SLC35E4: variants seen among roughly 807,000 people sequenced by gnomAD.
The protein encoded by SLC35E4 is solute carrier family 35 member E4.
A neutral mutation model predicts 19.3 loss-of-function variants in SLC35E4; 15 were observed. The ratio of observed to expected loss-of-function variants is 0.78; its 90% CI spans 0.52 to 1.20. The LOEUF (loss-of-function observed/expected upper bound fraction) is 1.20, where lower values mean the gene tolerates loss of function less well. Among genes scored for constraint, SLC35E4 ranks in the 50% most tolerant of loss-of-function variants. The pLI is 0.00. For synonymous variants in SLC35E4, 219 were observed against 219.9 expected (o/e 1.00, Z 0.04); for missense variants, 406 against 472.3 (o/e 0.86, Z 1.30).
At chr22:30,651,415 ATATATATATATATTTTTTTTTTTTT>A (rs1569061969), downstream of SLC35E4, among the ~76,000 whole-genome samples, 5 of 67,204 alleles carry the variant, frequency 7.4e-5, no homozygotes, top group Non-Finnish European at 7.5e-5. Context: ...ATATATATAT[ATATATATATATATTTTTTTTTTTTT>A]TTTTTTTTTT....
Position 30,638,018 on chromosome 22 carries a change from A to T in SLC35E4, c.619+949A>T, listed in dbSNP as rs1013805654. On this transcript the variant is annotated intron_variant, in intron 1 of 1. Coordinates refer to ENST00000343605, the MANE Select transcript of SLC35E4 (RefSeq NM_001001479.4). ...GTGTTGACCTTGAGTTGTCATGGCA[A>T]CCACCAACTTTATCCCCATTTTACA... Among the ~76,000 whole-genome samples, 4 of 152,114 alleles carry T rather than the reference A, an allele frequency of 2.6e-5. 1 individual carries two copies. The highest frequency in any genetic ancestry group is 5.9e-5 in the Non-Finnish European group (4 of 68,016).
intron 1 of SLC35E4, among the ~76,000 whole-genome samples, chr22:30,638,020 C>A (rs1166721529): frequency 6.6e-6 from 1 of 152,120 alleles, no homozygotes; most frequent in Non-Finnish European, 1.5e-5. Flanking sequence ...TCATGGCAAC[C>A]ACCAACTTTA....
downstream of SLC35E4, among the ~76,000 whole-genome samples, chr22:30,650,247 G>A (rs929103843): frequency 1.4e-4 from 22 of 151,872 alleles, 2 homozygotes; most frequent in African/African-American, 3.9e-4. Flanking sequence ...CAGGAGAATC[G>A]CTTGAACCTG....
downstream of SLC35E4, among the ~76,000 whole-genome samples, chr22:30,651,399 GTATATATATATATA>G (rs1427700463): frequency 4.7e-4 from 29 of 61,324 alleles, no homozygotes; most frequent in African/African-American, 1.7e-3. Flanking sequence ...GTGTGTGTGT[GTATATATATATATA>G]TATATATATA....
intron 1 of SLC35E4, among the ~76,000 whole-genome samples, chr22:30,638,009 G>A (rs1168689722): frequency 2.0e-5 from 3 of 152,168 alleles, no homozygotes; most frequent in African/African-American, 7.2e-5. Context: ...ACCTTGAGTT[G>A]TCATGGCAAC....
intron 2 of SLC35E4, among the ~76,000 whole-genome samples, chr22:30,653,255 G>A (rs2088259647): frequency 6.6e-6 from 1 of 152,072 alleles, no homozygotes; most frequent in Non-Finnish European, 1.5e-5. Context: ...CCACTGCCCT[G>A]AACCCTTCGG....
rs1264636601 is a variant in SLC35E4, at chr22:30,654,151, ATTTTT to A, written c.*8+4900_*8+4904del. 33 of 222,000 alleles carry A rather than the reference ATTTTT, an allele frequency of 1.5e-4. No individual in the cohort carries two copies. The Admixed American group carries it at 1.6e-3, about 11-fold the overall frequency. The allele number at this position is 222,000 out of a possible 1,614,324, so 13.8% of individuals were successfully genotyped here. A position where few individuals can be genotyped will look rare whatever the true frequency, so the allele number is the denominator to read the frequency against. ...CCCGCCACCACGCCCGGCTATTTTTATTTTTTATTTTTTTAGTAGAGACTGGGTTT... is the reference window on the plus strand; with the variant it reads ...CCCGCCACCACGCCCGGCTATTTTTATATTTTTTTAGTAGAGACTGGGTTT... On this transcript the variant is annotated intron_variant, in intron 2 of 2. Coordinates refer to the SLC35E4 transcript ENST00000406566.
intron 1 of SLC35E4, among the ~76,000 whole-genome samples, chr22:30,645,798 A>G (rs2088118843): frequency 6.7e-6 from 1 of 150,108 alleles, no homozygotes; most frequent in South Asian, 2.1e-4. Flanking sequence ...GATTACAGGC[A>G]TAAGCCACTG....
rs1235215148 is a variant in SLC35E4 at position 30,655,329 on chromosome 22, C to T, written c.*8+6076C>T. ...AAAAATAGCCAAGTATGGTGGTGCA[C>T]GCCTGTAGTCCCAGCTACTTGGGAG... is the stretch of plus-strand genomic sequence containing the variant. On this transcript the variant is annotated intron_variant, in intron 2 of 2. Transcript: ENST00000406566. 4.1e-5 allele frequency among the ~76,000 whole-genome samples: 6 copies of T among 147,386 alleles called. No individual in the cohort carries two copies. In the East Asian group the frequency reaches 8.0e-4, roughly 20 times the overall value.
chr22:30,666,773 A>G (rs1602114116), downstream of SLC35E4: 1 of 152,372 alleles, frequency 6.6e-6, no homozygotes, highest in East Asian at 1.9e-4. Context: ...AATTACAGGC[A>G]GACAGAGCTT....
downstream of SLC35E4, among the ~76,000 whole-genome samples, chr22:30,648,183 G>A (rs2088164462): frequency 6.6e-6 from 1 of 152,112 alleles, no homozygotes; most frequent in Non-Finnish European, 1.5e-5. Context: ...GTTCCTCACT[G>A]CTCTTGGGAC....
downstream of SLC35E4, chr22:30,663,933 G>T (rs143675020): frequency 6.2e-7 from 1 of 1,614,204 alleles, no homozygotes; most frequent in Non-Finnish European, 8.5e-7. Flanking sequence ...CAGGCTTTTG[G>T]TTATCTGCGA....
intron 1 of SLC35E4, among the ~76,000 whole-genome samples, chr22:30,640,387 G>GAAGA (rs1290253763): frequency 2.8e-5 from 4 of 144,234 alleles, no homozygotes; most frequent in Non-Finnish European, 6.0e-5. Context: ...AAAAAAAAAA[G>GAAGA]AAGAAAGAAA....
intron 2 of SLC35E4, chr22:30,654,545 G>A: frequency 2.3e-6 from 1 of 441,120 alleles, no homozygotes; most frequent in Non-Finnish European, 4.5e-6. Context: ...GTCTCGCGGG[G>A]CAGCATGCCT....
In SLC35E4 at chr22:30,636,185, G is replaced by A. The variant is rs934931833; in HGVS notation, c.-266G>A. On this transcript the variant is annotated 5_prime_UTR_variant, in exon 1 of 2. It adds an upstream start codon to the 5' untranslated region. Coordinates refer to ENST00000343605, the MANE Select transcript of SLC35E4 (RefSeq NM_001001479.4). ...GGAGACCACCTGGCACGGGGCAGAG[G>A]TGCCTGGAGCCCACGCTTGAGCATC... 1.5e-5 allele frequency: 7 copies of A among 476,578 alleles called. No individual in the cohort carries two copies. Among genetic ancestry groups the A allele is most frequent in the Non-Finnish European group, 2.6e-5 (7 of 269,990 alleles). The allele number at this position is 476,578 out of a possible 1,614,324, so 29.5% of individuals were successfully genotyped here. A position where few individuals can be genotyped will look rare whatever the true frequency, so the allele number is the denominator to read the frequency against.
At chr22:30,646,521 C>A in intron 1 of SLC35E4, 77 bp from the exon 2 acceptor site, 1 of 1,488,492 alleles carries the variant, frequency 6.7e-7, no homozygotes, top group Non-Finnish European at 9.0e-7. Flanking sequence ...CTTGGAGGAT[C>A]GGCCATAGGG....
chr22:30,653,111 A>G (rs560912545), intron 2 of SLC35E4, among the ~76,000 whole-genome samples: 24 of 152,294 alleles, frequency 1.6e-4, no homozygotes, highest in Middle Eastern at 3.4e-3. Context: ...GGCCCACAGC[A>G]TGCACTTAGT....
At chr22:30,651,627 T>C (rs1020224944), downstream of SLC35E4, among the ~76,000 whole-genome samples, 3 of 151,204 alleles carry the variant, frequency 2.0e-5, no homozygotes, top group East Asian at 3.9e-4. Flanking sequence ...GTCTGGACCC[T>C]ATGTAGAGAA....
chr22:30,654,211 CCT>C, intron 2 of SLC35E4: 1 of 330,696 alleles, frequency 3.0e-6, no homozygotes, highest in Non-Finnish European at 5.9e-6. Context: ...GTCTCAATCT[CCT>C]GACCTCCTGA....
Sources: allele counts gnomAD v4.1 joint callset (sites outside exome capture counted in the v4.1 genomes callset), GRCh38; gene constraint gnomAD v4.1.1; transcripts MANE v1.5; gene names NCBI Gene and HGNC (gene_info 2026-07-23, HGNC 2026-07-21).